Variants in PDE4D observed in about 807,000 individuals in gnomAD.
PDE4D encodes the protein 3',5'-cyclic-AMP phosphodiesterase 4D.
A neutral mutation model predicts 87.4 loss-of-function variants in PDE4D; 24 were observed. The ratio of observed to expected loss-of-function variants is 0.27; its 90% CI spans 0.20 to 0.39. The LOEUF is 0.39. PDE4D is among the 10% of genes least tolerant of loss of function. The pLI, the probability that PDE4D is intolerant of heterozygous loss-of-function variation, is 1.00. For synonymous variants in PDE4D, 384 were observed against 383.2 expected (o/e 1.00, Z -0.02); for missense variants, 714 against 1,041.0 (o/e 0.69, Z 4.32).
At chr5:59,814,364 C>A (rs764174170) in intron 1 of PDE4D, among the ~76,000 whole-genome samples, 2 of 152,098 alleles carry the variant, frequency 1.3e-5, no homozygotes, top group Non-Finnish European at 2.9e-5. Context: ...TTGGCTGACC[C>A]CTGCATGCTA....
intron 2 of PDE4D, among the ~76,000 whole-genome samples, chr5:60,008,965 G>T (rs1003835675): frequency 6.6e-6 from 1 of 151,820 alleles, no homozygotes; most frequent in South Asian, 2.1e-4. Flanking sequence ...TATTTCATCT[G>T]TGGATTAGCT....
chr5:59,689,758 T>C (rs1296586124), intron 1 of PDE4D, among the ~76,000 whole-genome samples: 4 of 152,076 alleles, frequency 2.6e-5, no homozygotes, highest in Non-Finnish European at 5.9e-5. Context: ...GGGTATTCAA[T>C]TAGGAAAAGA....
chr5:60,507,398 T>C (rs1750371320), intron 1 of PDE4D, among the ~76,000 whole-genome samples: 2 of 152,198 alleles, frequency 1.3e-5, no homozygotes, highest in African/African-American at 4.8e-5. Flanking sequence ...AAAACTGTAA[T>C]TCTTAGACAC....
At chr5:59,056,000 A>C (rs957741297) in intron 5 of PDE4D, among the ~76,000 whole-genome samples, 2 of 152,198 alleles carry the variant, frequency 1.3e-5, no homozygotes, top group Admixed American at 1.3e-4. Flanking sequence ...CAGTGATTTC[A>C]AAAGAAATTA....
intron 1 of PDE4D, among the ~76,000 whole-genome samples, chr5:59,769,360 C>T (rs1365382576): frequency 6.6e-6 from 1 of 152,200 alleles, no homozygotes; most frequent in African/African-American, 2.4e-5. Context: ...TATGTTTTCT[C>T]TTTGCATTTA....
At chr5:59,507,679 A>AAAAAAAAAAAAAAGAAAAG (rs61334148) in intron 1 of PDE4D, among the ~76,000 whole-genome samples, 1 of 118,712 alleles carries the variant, frequency 8.4e-6, no homozygotes, top group African/African-American at 3.5e-5. Context: ...AAAAAAAAAA[A>AAAAAAAAAAAAAAGAAAAG]AAAAGAAAAG....
intron 1 of PDE4D, among the ~76,000 whole-genome samples, chr5:59,545,223 GC>G (rs1817064678): frequency 1.3e-5 from 2 of 152,096 alleles, no homozygotes; most frequent in African/African-American, 4.8e-5. Context: ...CATCTTCAGT[GC>G]CTAGAACAGT....
intron 1 of PDE4D, among the ~76,000 whole-genome samples, chr5:59,311,270 T>C (rs889845705): frequency 2.0e-5 from 3 of 152,018 alleles, no homozygotes; most frequent in Admixed American, 1.3e-4. Flanking sequence ...CTCATGCTTA[T>C]AATTCCAGCA....
chr5:60,369,929 C>T (rs1760877834), intron 1 of PDE4D, among the ~76,000 whole-genome samples: 1 of 152,166 alleles, frequency 6.6e-6, no homozygotes, highest in Admixed American at 6.5e-5. Context: ...ACTGGTAAAT[C>T]ATATCCAAAA....
chr5:59,582,702 T>C (rs1824386042), intron 1 of PDE4D, among the ~76,000 whole-genome samples: 1 of 152,110 alleles, frequency 6.6e-6, no homozygotes, highest in Admixed American at 6.5e-5. Flanking sequence ...CTTTTAGAAA[T>C]TGATACCTGG....
chr5:59,200,141 G>GCACACACATACATGCATGTAGACA (rs1450246436), intron 2 of PDE4D, among the ~76,000 whole-genome samples: 1 of 149,162 alleles, frequency 6.7e-6, no homozygotes, highest in East Asian at 2.0e-4. Flanking sequence ...ATACATGTAT[G>GCACACACATACATGCATGTAGACA]TACACGTATA....
At chr5:59,449,279 A>G (rs6891288) in intron 1 of PDE4D, among the ~76,000 whole-genome samples, 1,720 of 152,284 alleles carry the variant, frequency 0.011, 42 homozygotes, top group African/African-American at 0.038. Flanking sequence ...TACTTGAGAC[A>G]GCAAATTATT....
At position 59,779,420 on chromosome 5, in the gene PDE4D, C is replaced by T. The variant is rs80112491; in HGVS notation, c.455+113748G>A. ...CACCATTCAAATGTTGCTATTAGGA[C>T]GTGAAATGAGGCTCGTAGAAATGAG... On this transcript the variant is annotated intron_variant, in intron 1 of 14. Coordinates refer to ENST00000340635, the MANE Select transcript of PDE4D (RefSeq NM_001104631.2). Among the ~76,000 whole-genome samples, 1,011 of 152,098 alleles carry T rather than the reference C, an allele frequency of 6.6e-3. 14 individuals are homozygous for T. Among genetic ancestry groups the T allele is most frequent in the African/African-American group, 0.023 (962 of 41,462 alleles).
At chr5:59,245,547 T>C (rs990259542) in intron 1 of PDE4D, among the ~76,000 whole-genome samples, 1 of 152,114 alleles carries the variant, frequency 6.6e-6, no homozygotes, top group Admixed American at 6.6e-5. Context: ...AATTTGGCAA[T>C]AAACTCTCTG....
chr5:60,389,062 C>CATATAGATATAGAATATG (rs1213051475), intron 1 of PDE4D, among the ~76,000 whole-genome samples: 1 of 151,960 alleles, frequency 6.6e-6, no homozygotes, highest in Non-Finnish European at 1.5e-5. Context: ...TATAGAATAT[C>CATATAGATATAGAATATG]ATATAGATAT....
intron 1 of PDE4D, among the ~76,000 whole-genome samples, chr5:60,306,253 T>G (rs1754490144): frequency 6.6e-6 from 1 of 152,064 alleles, no homozygotes; most frequent in African/African-American, 2.4e-5. Flanking sequence ...ATCCAAATTG[T>G]AATTACAAAC....
At chr5:59,353,714 T>C (rs1780897523) in intron 1 of PDE4D, among the ~76,000 whole-genome samples, 1 of 152,020 alleles carries the variant, frequency 6.6e-6, no homozygotes, top group African/African-American at 2.4e-5. Flanking sequence ...TCCACGGCCC[T>C]GCTCCCCTCC....
intron 1 of PDE4D, among the ~76,000 whole-genome samples, chr5:59,694,516 C>T (rs1561490417): frequency 1.3e-5 from 2 of 152,124 alleles, no homozygotes; most frequent in African/African-American, 2.4e-5. Context: ...ACGGTGGAGA[C>T]ATCAAATGCT....
chr5:60,353,774 T>G (rs1303620874), intron 1 of PDE4D, among the ~76,000 whole-genome samples: 1 of 152,212 alleles, frequency 6.6e-6, no homozygotes, highest in African/African-American at 2.4e-5. Context: ...AATATATTAA[T>G]AAGTATGTGC....
Sources: allele counts gnomAD v4.1 joint callset (sites outside exome capture counted in the v4.1 genomes callset), GRCh38; gene constraint gnomAD v4.1.1; transcripts MANE v1.5; gene names NCBI Gene and HGNC (gene_info 2026-07-23, HGNC 2026-07-21).